Variants in SERPINB6 observed in about 807,000 individuals in gnomAD.
SERPINB6 encodes the protein serpin B6.
A neutral mutation model predicts 26.1 loss-of-function variants in SERPINB6; 16 were observed. The observed-to-expected ratio is 0.61, with a 90% confidence interval of 0.42 to 0.93. The LOEUF (loss-of-function observed/expected upper bound fraction) is 0.93. Ranked by LOEUF, SERPINB6 falls within the 40% of genes least tolerant of loss-of-function variation. The pLI, the probability that SERPINB6 is intolerant of heterozygous loss-of-function variation, is 0.00. For synonymous variants in SERPINB6, 174 were observed against 176.6 expected (o/e 0.99, Z 0.11); for missense variants, 420 against 478.0 (o/e 0.88, Z 1.13).
chr6:2,961,763 C>CAAAAAA (rs35003117), intron 1 of SERPINB6: 1 of 824,352 alleles, frequency 1.2e-6, no homozygotes, highest in Non-Finnish European at 1.5e-6. Context: ...CTCCATAAAC[C>CAAAAAA]AAAAAAAAAA....
intron 2 of SERPINB6, chr6:2,955,906 A>C: frequency 2.3e-6 from 1 of 440,346 alleles, no homozygotes; most frequent in Non-Finnish European, 4.2e-6. Flanking sequence ...GCAAAACCCC[A>C]TCTCTACTAA....
At position 2,967,243 on chromosome 6, in the gene SERPINB6, G is replaced by C; in HGVS notation, c.-11+4290C>G. On this transcript the variant is annotated intron_variant, in intron 1 of 6. Coordinates refer to ENST00000380539, the MANE Select transcript of SERPINB6 (RefSeq NM_004568.6). This position sits in a 1 kb window ranked among gnomAD's most constrained non-coding sequence, Gnocchi z 4.3. ...CAAGTTAGAAAGTTCTGCTCTGGAA[G>C]ACTGAAACTGGACCCCTTCCTTACA... is the stretch of plus-strand genomic sequence containing the variant. 1 of 985,184 alleles carries C rather than the reference G, an allele frequency of 1.0e-6. No homozygotes were observed. Among genetic ancestry groups the C allele is most frequent in the Non-Finnish European group, 1.2e-6 (1 of 829,734 alleles). 61.0% of individuals were successfully genotyped at this position (985,184 alleles called of 1,614,324 possible). A position where few individuals can be genotyped will look rare whatever the true frequency, so the allele number is the denominator to read the frequency against.
rs1770004424 is a variant in SERPINB6 at position 2,953,101 on chromosome 6, G to C, written c.516C>G (p.Asn172Lys). The C allele has an allele frequency of 7.4e-6, 12 of 1,614,118 alleles. No homozygotes were observed. Among genetic ancestry groups the C allele is most frequent in the Non-Finnish European group, 1.0e-5 (12 of 1,180,056 alleles). ...VLVNAVYFRGNWDEQFDKENT... is the reference protein window; with the variant it reads ...VLVNAVYFRGKWDEQFDKENT... ...TCTCCTTGTCAAACTGTTCATCCCAGTTTCCTCTGAAATAGACAGCATTCA... is the reference window on the plus strand; with the variant it reads ...TCTCCTTGTCAAACTGTTCATCCCACTTTCCTCTGAAATAGACAGCATTCA... The change falls in exon 5 of 7, where the codon AAC becomes AAG. Residue 172 changes from asparagine to lysine, a missense_variant. Asn to Lys is a moderately conservative substitution (Grantham distance 94). Coordinates refer to ENST00000380539, the MANE Select transcript of SERPINB6 (RefSeq NM_004568.6).
At chr6:2,953,438 CAT>C (rs1770055791) in intron 4 of SERPINB6, among the ~76,000 whole-genome samples, 1 of 152,204 alleles carries the variant, frequency 6.6e-6, no homozygotes, top group South Asian at 2.1e-4. Flanking sequence ...GTTCCTAACA[CAT>C]GAGATAAGAA....
At chr6:2,966,904 G>A (rs996086717) in intron 1 of SERPINB6, 16 of 974,930 alleles carry the variant, frequency 1.6e-5, no homozygotes, top group South Asian at 4.8e-5. Flanking sequence ...ATCTTTCCAC[G>A]TTGGCTTCCC....
In SERPINB6 at chr6:2,948,681, A is replaced by C. The variant is rs1218441683; in HGVS notation, c.748T>G (p.Tyr250Asp). The C allele has an allele frequency of 6.2e-7, 1 of 1,614,064 alleles. No homozygotes were observed. Among genetic ancestry groups the C allele is most frequent in the East Asian group, 2.2e-5 (1 of 44,892 alleles). ...CTCGTCCATTCTACGAACTTCTCGTAAGTGAGTTCTTTCTCCACCTAGAGG... is the reference window on the plus strand; with the variant it reads ...CTCGTCCATTCTACGAACTTCTCGTCAGTGAGTTCTTTCTCCACCTAGAGG... ...DLRTVEKELTYEKFVEWTRLD... is the reference protein window; with the variant it reads ...DLRTVEKELTDEKFVEWTRLD... Residue 250 changes from tyrosine to aspartate, a missense_variant, in exon 7 of 7, where the codon TAC becomes GAC. Tyr to Asp is a radical substitution (Grantham distance 160). Transcript: ENST00000380539. The surrounding 1 kb of genome is among the most constrained non-coding windows in gnomAD (Gnocchi z 5.0).
At position 2,955,505 on chromosome 6, in the gene SERPINB6, A is replaced by G. The variant is rs1391111841; in HGVS notation, c.312+19T>C. 3 of 1,614,162 alleles carry G rather than the reference A, an allele frequency of 1.9e-6. No homozygotes were observed. Among genetic ancestry groups the G allele is most frequent in the Non-Finnish European group, 2.5e-6 (3 of 1,180,008 alleles). On this transcript the variant is annotated intron_variant, in intron 3 of 6. Transcript: ENST00000380539. ...GGCCACCTTTATTTCTTTAGTGAATAAGAGCAAGTATGACTTACTGAGAGG... is the reference window on the plus strand; with the variant it reads ...GGCCACCTTTATTTCTTTAGTGAATGAGAGCAAGTATGACTTACTGAGAGG...
intron 1 of SERPINB6, chr6:2,966,581 T>C (rs7775627): frequency 0.85 from 149,495 of 175,342 alleles, 63,836 homozygotes; most frequent in East Asian, 0.94. Flanking sequence ...GTGGTGATCT[T>C]GGTTGCATGC....
At position 2,948,458 on chromosome 6, in the gene SERPINB6, T is replaced by A; in HGVS notation, c.971A>T (p.Asn324Ile). Residue 324 changes from asparagine to isoleucine, a missense_variant, in exon 7 of 7, where the codon AAT (asparagine) becomes ATT (isoleucine). Physicochemically the swap from Asn to Ile is moderately radical, Grantham distance 149 (BLOSUM62 -3). Coordinates refer to ENST00000380539, the MANE Select transcript of SERPINB6 (RefSeq NM_004568.6). The surrounding 1 kb of genome is among the most constrained non-coding windows in gnomAD (Gnocchi z 5.0). ...GGCTGCAGCCTCCGTGCCTTCCTCA[T>A]TGACCTCCACAAAAGACTTGTGCAC... is the stretch of plus-strand genomic sequence containing the variant. ...KVVHKSFVEV[N>I]EEGTEAAAAT... 1 of 1,614,160 alleles carries A rather than the reference T, an allele frequency of 6.2e-7. No individual in the cohort carries two copies. Among genetic ancestry groups the A allele is most frequent in the Middle Eastern group, 1.6e-4 (1 of 6,062 alleles).
At chr6:2,970,774 A>G in intron 1 of SERPINB6, 3 of 1,142,752 alleles carry the variant, frequency 2.6e-6, no homozygotes, top group Non-Finnish European at 3.2e-6. Context: ...GCCAATTTGT[A>G]GTTAAAGTTT....
intron 1 of SERPINB6, among the ~76,000 whole-genome samples, chr6:2,963,210 C>A (rs1374729605): frequency 6.6e-6 from 1 of 152,002 alleles, no homozygotes; most frequent in Non-Finnish European, 1.5e-5. Flanking sequence ...AACAAATTTA[C>A]CCCCAAAAAA....
chr6:2,957,146 G>C (rs1054548029), intron 2 of SERPINB6: 3 of 153,378 alleles, frequency 2.0e-5, no homozygotes, highest in African/African-American at 7.2e-5. Flanking sequence ...ATGACTCCTG[G>C]GGGCTGGAGA....
chr6:2,949,099 G>A (rs781484398), intron 5 of SERPINB6, 30 bp from the exon 6 acceptor site: 3 of 1,610,938 alleles, frequency 1.9e-6, no homozygotes, highest in South Asian at 2.2e-5. Context: ...ACATCAAGTT[G>A]AAACAAGACC....
Position 2,948,610 on chromosome 6 carries a change from C to T in SERPINB6, c.819G>A (p.Arg273=), listed in dbSNP as rs1323416935. Residue 273 remains arginine, a synonymous_variant, in exon 7 of 7, where the codon CGG becomes CGA. Coordinates refer to ENST00000380539, the MANE Select transcript of SERPINB6 (RefSeq NM_004568.6). This position sits in a 1 kb window ranked among gnomAD's most constrained non-coding sequence, Gnocchi z 5.0. ...TGTCGTAGCTTTCCTCTAGTTTAAA[C>T]CGCGGGAGGGACACTTCCACCTCCT... ...DEEEVEVSLP[R]FKLEESYDME... 3.1e-6 allele frequency: 5 copies of T among 1,614,058 alleles called. No individual in the cohort carries two copies. Among genetic ancestry groups the T allele is most frequent in the Admixed American group, 1.7e-5 (1 of 60,008 alleles).
intron 1 of SERPINB6, among the ~76,000 whole-genome samples, chr6:2,963,215 A>C (rs1446723710): frequency 6.0e-5 from 9 of 151,092 alleles, no homozygotes; most frequent in Admixed American, 1.3e-4. Flanking sequence ...ATTTACCCCC[A>C]AAAAAGAAAG....
rs773028880 is a variant in SERPINB6, at chr6:2,948,252, C to T, written c.*46G>A. ...GGGTTGCAGGCACACTGTGGAGTGT[C>T]AGGGGACAGAGAGGAGAGGGGCTGC... is the stretch of plus-strand genomic sequence containing the variant. On this transcript the variant is annotated 3_prime_UTR_variant, in exon 7 of 7. Transcript: ENST00000380539. The surrounding 1 kb of genome is among the most constrained non-coding windows in gnomAD (Gnocchi z 5.0). 9.3e-6 allele frequency: 15 copies of T among 1,610,796 alleles called. No homozygotes were observed. The highest frequency in any genetic ancestry group is 1.2e-5 in the Non-Finnish European group (14 of 1,178,608).
At chr6:2,955,107 T>A (rs1233776710) in intron 3 of SERPINB6, 1 of 279,776 alleles carries the variant, frequency 3.6e-6, no homozygotes, top group Non-Finnish European at 6.8e-6. Context: ...GGAGAATCAC[T>A]TGAACCCAGA....
intron 1 of SERPINB6, among the ~76,000 whole-genome samples, chr6:2,965,162 C>T (rs903959151): frequency 2.6e-5 from 4 of 152,146 alleles, no homozygotes; most frequent in Non-Finnish European, 4.4e-5. Flanking sequence ...TAGTGCCTTT[C>T]CCCCCTTTCC....
chr6:2,969,447 T>C (rs1771930755), intron 1 of SERPINB6: 1 of 968,172 alleles, frequency 1.0e-6, no homozygotes, highest in African/African-American at 1.8e-5. Context: ...AAATAAAAAA[T>C]GATATTTAAT....
Sources: gnomAD v4.1 joint callset for allele counts (sites outside exome capture counted in the v4.1 genomes callset) on GRCh38, gnomAD v4.1.1 for gene constraint, Gnocchi (gnomAD v3.1) non-coding constraint, MANE v1.5 for transcripts, NCBI Gene and HGNC (gene_info 2026-07-23, HGNC 2026-07-21) for gene names.